Variants in CHURC1 observed in about 807,000 individuals in gnomAD.
The protein encoded by CHURC1 is churchill domain containing 1.
A neutral mutation model predicts 15.4 loss-of-function variants in CHURC1; 12 were observed. That is an observed-to-expected ratio of 0.78 (90% CI 0.50 to 1.27). The LOEUF is 1.27. CHURC1 is among the 50% of genes most tolerant of loss of function. The pLI is 0.00. For missense variants in CHURC1, 132 were observed against 137.8 expected (o/e 0.96, Z 0.21); for synonymous variants, 42 against 47.5 (o/e 0.88, Z 0.48).
chr14:64,927,716 A>AC (rs1172402751), intron 3 of CHURC1, among the ~76,000 whole-genome samples: 3,619 of 40,352 alleles, frequency 0.09, 101 homozygotes, highest in Middle Eastern at 0.13. Flanking sequence ...TTCTCCCCCC[A>AC]CCCCCCCCCC....
At position 64,917,117 on chromosome 14, in the gene CHURC1, A is replaced by C. The variant is rs531246675; in HGVS notation, c.39+2583A>C. Among the ~76,000 whole-genome samples, 15 of 152,310 alleles carry C rather than the reference A, an allele frequency of 9.8e-5. No individual in the cohort carries two copies. In the South Asian group the frequency reaches 3.1e-3, roughly 32 times the overall value. On this transcript the variant is annotated intron_variant, in intron 1 of 3. Transcript: ENST00000549115. ...CCATGGCAACAGTGGTGTAGGCATG[A>C]GATAATGAAGACCTTATTTCAAAGA...
rs1309419453 is a variant in CHURC1 at position 64,933,955 on chromosome 14, CTTG to C, written c.*1728_*1730del. The C allele has an allele frequency of 1.5e-5, 15 of 985,236 alleles. No individual in the cohort carries two copies. The highest frequency in any genetic ancestry group is 1.8e-5 in the Non-Finnish European group (15 of 829,908). The allele number at this position is 985,236 out of a possible 1,614,324, so 61.0% of individuals were successfully genotyped here. A position where few individuals can be genotyped will look rare whatever the true frequency, so the allele number is the denominator to read the frequency against. On this transcript the variant is annotated 3_prime_UTR_variant, in exon 4 of 4. Transcript: ENST00000549115. ...ATAGTTTAGCCATAACCAGATATGGCTTGTTATTTGTAAGTTATCATGAAAAGG... is the reference window on the plus strand; with the variant it reads ...ATAGTTTAGCCATAACCAGATATGGCTTATTTGTAAGTTATCATGAAAAGG...
Position 64,914,962 on chromosome 14 carries a change from A to C in CHURC1, c.39+428A>C, listed in dbSNP as rs146769724. Reference sequence around the variant, plus strand: ...GAAGAAACCGATGCCCAGAGAGGGGAAATCACTTGCCCAAGTTCACATTCT... The same window carrying C: ...GAAGAAACCGATGCCCAGAGAGGGGCAATCACTTGCCCAAGTTCACATTCT... On this transcript the variant is annotated intron_variant, in intron 1 of 3. Transcript: ENST00000549115. 1.8e-4 allele frequency among the ~76,000 whole-genome samples: 27 copies of C among 152,332 alleles called. No homozygotes were observed. The East Asian group carries it at 3.5e-3, about 20-fold the overall frequency.
rs531432226 is a variant in CHURC1 at position 64,922,682 on chromosome 14, A to G, written c.40-1309A>G. ...CCTTTTCCCTTTTAGTAGTTAAGGC[A>G]GTACACCTATGATTTAATAACTATG... On this transcript the variant is annotated intron_variant, in intron 1 of 3. Transcript: ENST00000549115. Among the ~76,000 whole-genome samples the G allele has an allele frequency of 9.9e-5, 15 of 152,208 alleles. No homozygotes were observed. In the East Asian group the frequency reaches 2.7e-3, roughly 27 times the overall value.
chr14:64,932,499 A>AGC lies in CHURC1; in HGVS notation c.*270_*271dup, dbSNP rs911433238. 6.2e-6 allele frequency: 7 copies of AGC among 1,133,824 alleles called. No individual in the cohort carries two copies. The Admixed American group carries it at 1.3e-4, about 21-fold the overall frequency. 70.2% of individuals were successfully genotyped at this position (1,133,824 alleles called of 1,614,324 possible). A position where few individuals can be genotyped will look rare whatever the true frequency, so the allele number is the denominator to read the frequency against. On this transcript the variant is annotated 3_prime_UTR_variant, in exon 4 of 4. Coordinates refer to ENST00000549115, the MANE Select transcript of CHURC1 (RefSeq NM_001386928.1). The stretch of plus-strand genomic sequence containing the variant: ...GTGGTCAGAAAACAACTAGAATGGG[A>AGC]GCACACCTGGTGCCCAGATTTTGGT...
intron 1 of CHURC1, among the ~76,000 whole-genome samples, chr14:64,918,333 A>G (rs1335715823): frequency 6.6e-6 from 1 of 152,234 alleles, no homozygotes; most frequent in African/African-American, 2.4e-5. Flanking sequence ...ACATTCTGAC[A>G]TTTCAAAATG....
At chr14:64,923,668 C>T (rs1018040684) in intron 1 of CHURC1, among the ~76,000 whole-genome samples, 23 of 151,560 alleles carry the variant, frequency 1.5e-4, no homozygotes, top group Non-Finnish European at 2.8e-4. Context: ...TTTCTATTTT[C>T]ATATTTTATA....
chr14:64,924,322 G>A, intron 2 of CHURC1, 196 bp downstream of exon 2: 1 of 556,632 alleles, frequency 1.8e-6, no homozygotes, highest in East Asian at 4.0e-5. Context: ...AATGACTTTT[G>A]CAGATAACTA....
At chr14:64,921,538 C>G (rs566410611) in intron 1 of CHURC1, among the ~76,000 whole-genome samples, 1 of 152,242 alleles carries the variant, frequency 6.6e-6, no homozygotes, top group African/African-American at 2.4e-5. Flanking sequence ...AAAGAAGATA[C>G]ATGAATAAGC....
chr14:64,924,074 C>G lies in CHURC1; in HGVS notation c.123C>G (p.Ile41Met). The change falls in exon 2 of 4, where the codon ATC becomes ATG. Residue 41 changes from isoleucine (I) to methionine (M), a missense_variant. Physicochemically the swap from Ile to Met is conservative, Grantham distance 10 (BLOSUM62 1). Transcript: ENST00000549115. ...AVCSKRDFMLITNKSLKEEDG... is the reference protein window; with the variant it reads ...AVCSKRDFMLMTNKSLKEEDG... ...GCAGTAAGCGGGATTTTATGCTGAT[C>G]ACAAACAAATCCTTGAAAGAAGAAG... 1.2e-6 allele frequency: 2 copies of G among 1,607,428 alleles called. No homozygotes were observed. The highest frequency in any genetic ancestry group is 1.7e-6 in the Non-Finnish European group (2 of 1,176,520).
intron 3 of CHURC1, among the ~76,000 whole-genome samples, chr14:64,926,342 A>G (rs1884697598): frequency 6.6e-6 from 1 of 150,772 alleles, no homozygotes; most frequent in Non-Finnish European, 1.5e-5. Flanking sequence ...CACTGTGCCC[A>G]GCCCCATGCC....
intron 2 of CHURC1, among the ~76,000 whole-genome samples, chr14:64,925,714 A>G (rs941996204): frequency 3.3e-5 from 5 of 151,628 alleles, no homozygotes; most frequent in South Asian, 2.1e-4. Flanking sequence ...AAAAAAAAAA[A>G]AAAGAAATTG....
Position 64,934,190 on chromosome 14 carries a change from A to T in CHURC1, c.*1960A>T. The T allele has an allele frequency of 1.9e-5, 9 of 469,988 alleles. No individual in the cohort carries two copies. Among genetic ancestry groups the T allele is most frequent in the Non-Finnish European group, 2.5e-5 (9 of 359,470 alleles). The allele number at this position is 469,988 out of a possible 1,614,324, so 29.1% of individuals were successfully genotyped here. On this transcript the variant is annotated 3_prime_UTR_variant, in exon 4 of 4. Coordinates refer to ENST00000549115, the MANE Select transcript of CHURC1 (RefSeq NM_001386928.1). ...CAACCTCGTCTTTACTAAAAATACA[A>T]AAACAAAAATTAGCCAGGGGTGGTG... is the stretch of plus-strand genomic sequence containing the variant.
At position 64,917,274 on chromosome 14, in the gene CHURC1, A is replaced by G. The variant is rs1883954049; in HGVS notation, c.39+2740A>G. Among the ~76,000 whole-genome samples, 6 of 152,338 alleles carry G rather than the reference A, an allele frequency of 3.9e-5. No individual in the cohort carries two copies. The South Asian group carries it at 1.2e-3, about 32-fold the overall frequency. ...GCAAAACCCTGTCTCTACAAAAAAT[A>G]CAAATAGTCTGGGCACGGTGGCTCA... On this transcript the variant is annotated intron_variant, in intron 1 of 3. Transcript: ENST00000549115.
intron 1 of CHURC1, among the ~76,000 whole-genome samples, chr14:64,922,968 C>A (rs1884421253): frequency 6.6e-6 from 1 of 152,144 alleles, no homozygotes; most frequent in East Asian, 1.9e-4. Context: ...ATCTTTGAAT[C>A]CTCTGTTGTG....
Position 64,923,737 on chromosome 14 carries a change from C to T in CHURC1, c.40-254C>T, listed in dbSNP as rs142140744. 3.2e-3 allele frequency among the ~76,000 whole-genome samples: 469 copies of T among 148,258 alleles called. 4 individuals are homozygous for T. The highest frequency in any genetic ancestry group is 0.011 in the African/African-American group (448 of 40,588). The stretch of plus-strand genomic sequence containing the variant: ...TTTTCAGTTTATCCTCCCTTTTCAA[C>T]ATAGTGGCAGTCCTTACAGACTTAA... On this transcript the variant is annotated intron_variant, in intron 1 of 3. Transcript: ENST00000549115.
intron 2 of CHURC1, 143 bp from the exon 3 acceptor site, chr14:64,925,867 G>T (rs1884661389): frequency 2.1e-6 from 1 of 479,434 alleles, no homozygotes. Context: ...AATCAAGGTA[G>T]ATACTATAAT....
rs143300182 is a variant in CHURC1 at position 64,921,572 on chromosome 14, A to G, written c.40-2419A>G. ...GCACCATGAAAAGATGCTCAACATC[A>G]TTAGTCATCAAGGAAACAAAAGTTA... On this transcript the variant is annotated intron_variant, in intron 1 of 3. Transcript: ENST00000549115. 1.8e-3 allele frequency among the ~76,000 whole-genome samples: 274 copies of G among 152,356 alleles called. 3 individuals carry two copies. The highest frequency in any genetic ancestry group is 8.8e-4 in the Non-Finnish European group (60 of 68,026).
chr14:64,925,376 A>G (rs1371811405), intron 2 of CHURC1, among the ~76,000 whole-genome samples: 1 of 152,180 alleles, frequency 6.6e-6, no homozygotes, highest in Non-Finnish European at 1.5e-5. Flanking sequence ...TTACATAGTT[A>G]AATAGGTCCA....
Sources: gnomAD v4.1 joint callset for allele counts (sites outside exome capture counted in the v4.1 genomes callset) on GRCh38, gnomAD v4.1.1 for gene constraint, MANE v1.5 for transcripts, NCBI Gene and HGNC (gene_info 2026-07-23, HGNC 2026-07-21) for gene names.